CROT: variants seen among roughly 807,000 people sequenced by gnomAD.
CROT encodes the protein carnitine O-octanoyltransferase.
Under a neutral mutation model 89.2 loss-of-function variants are expected in CROT, and 84 were observed. The ratio of observed to expected loss-of-function variants is 0.94; its 90% confidence interval spans 0.79 to 1.13. CROT has a LOEUF of 1.13. CROT is among the 50% of genes most tolerant of loss of function. CROT has a pLI of 0.00. For synonymous variants in CROT, 212 were observed against 239.5 expected, an observed-to-expected ratio of 0.89 and a Z score of 1.06; for missense variants, 711 against 727.8, an observed-to-expected ratio of 0.98 and a Z score of 0.27.
intron 17 of CROT, among the ~76,000 whole-genome samples, chr7:87,393,312 A>G (rs1226447320): frequency 6.6e-6 from 1 of 152,120 alleles, no homozygotes; most frequent in Non-Finnish European, 1.5e-5. Flanking sequence ...CGATTCGGCA[A>G]TCATATCATC....
At chr7:87,375,163 A>AT (rs547576074) in intron 7 of CROT, 36 of 153,012 alleles carry the variant, frequency 2.4e-4, no homozygotes, top group South Asian at 4.1e-4. Context: ...TGGTATTTCT[A>AT]TTTTTTTTTG....
intron 7 of CROT, among the ~76,000 whole-genome samples, chr7:87,371,585 T>A (rs976605418): frequency 2.6e-5 from 4 of 152,204 alleles, no homozygotes; most frequent in Non-Finnish European, 4.4e-5. Flanking sequence ...CATTTAAAAT[T>A]TTTGACTGAG....
intron 14 of CROT, 147 bp from the exon 15 acceptor site, chr7:87,392,419 A>G: frequency 3.1e-6 from 2 of 650,770 alleles, no homozygotes; most frequent in Non-Finnish European, 5.4e-6. Flanking sequence ...TAACTGATGG[A>G]AAGATATAGG....
At chr7:87,380,422 T>A (rs758524957) in intron 10 of CROT, among the ~76,000 whole-genome samples, 1 of 21,158 alleles carries the variant, frequency 4.7e-5, no homozygotes, top group Admixed American at 9.1e-4. Context: ...GGTATAAAAA[T>A]CATTTTTCAC....
In CROT at chr7:87,361,503, A is replaced by T; in HGVS notation, c.354A>T (p.Glu118Asp). 1.9e-6 allele frequency: 3 copies of T among 1,612,856 alleles called. No homozygotes were observed. The South Asian group carries it at 3.3e-5, about 18-fold the overall frequency. ...AHFEHYWPPK[E>D]GTQLERGSIT... ...TTGAACACTACTGGCCTCCAAAGGA[A>T]GGGACTCAATTAGAAAGAGGAAGTA... Residue 118 changes from glutamate (E) to aspartate (D), a missense_variant, in exon 5 of 18, where the codon GAA becomes GAT. Coordinates refer to ENST00000331536, the MANE Select transcript of CROT (RefSeq NM_021151.4).
At chr7:87,359,794 T>C in intron 4 of CROT, 1 of 984,038 alleles carries the variant, frequency 1.0e-6, no homozygotes, top group South Asian at 4.7e-5. Flanking sequence ...ATATTTCAGT[T>C]AGATAAATTG....
chr7:87,390,822 C>T (rs937188602), intron 13 of CROT, among the ~76,000 whole-genome samples: 3 of 152,186 alleles, frequency 2.0e-5, no homozygotes, highest in African/African-American at 4.8e-5. Flanking sequence ...TACCCCAAAA[C>T]GTAGTGGCTT....
At position 87,361,841 on chromosome 7, in the gene CROT, AT is replaced by A; in HGVS notation, c.540del (p.Phe180LeufsTer14). 1 of 1,585,192 alleles carries A rather than the reference AT, an allele frequency of 6.3e-7. No homozygotes were observed. Among genetic ancestry groups the A allele is most frequent in the South Asian group, 1.2e-5 (1 of 85,076 alleles). On this transcript the variant is annotated frameshift_variant, in exon 6 of 18. Coordinates refer to ENST00000331536, the MANE Select transcript of CROT (RefSeq NM_021151.4). LOFTEE classifies it high-confidence loss of function. ...PGITRDSIMN[Y>X]FRTESEGRSP... ...ATTACTAGAGACTCCATTATGAATT[AT>A]TTTAGGACTGGTAAGTAAAAATGCA...
chr7:87,358,673 A>C (rs1203221335), intron 3 of CROT, among the ~76,000 whole-genome samples: 1 of 152,164 alleles, frequency 6.6e-6, no homozygotes, highest in Non-Finnish European at 1.5e-5. Flanking sequence ...AGATCATCAT[A>C]AAAATCTTCA....
At position 87,346,410 on chromosome 7, in the gene CROT, G is replaced by C. The variant is rs977427984; in HGVS notation, c.-42G>C. The C allele has an allele frequency of 6.6e-6, 1 of 152,194 alleles. No individual in the cohort carries two copies. The highest frequency in any genetic ancestry group is 1.5e-5 in the Non-Finnish European group (1 of 68,036). The allele number at this position is 152,194 out of a possible 1,614,324, so 9.4% of individuals were successfully genotyped here. A position where few individuals can be genotyped will look rare whatever the true frequency, so the allele number is the denominator to read the frequency against. On this transcript the variant is annotated 5_prime_UTR_variant, in exon 2 of 18. Transcript: ENST00000331536. ...AGCAGGCTCCTGGCAGTCTCAAGCA[G>C]TTCATCTTCTTGGTGTACTGGTATG...
At position 87,382,476 on chromosome 7, in the gene CROT, A is replaced by G. The variant is rs1807043647; in HGVS notation, c.1234A>G (p.Lys412Glu). 6.2e-7 allele frequency: 1 copy of G among 1,613,858 alleles called. No individual in the cohort carries two copies. The change falls in exon 13 of 18, where the codon AAG (lysine) becomes GAG (glutamate). Residue 412 changes from lysine to glutamate, a missense_variant. Lys to Glu is a moderately conservative substitution (Grantham distance 56). Transcript: ENST00000331536. Reference sequence around the variant, plus strand: ...TTTTGGCAAAAAGCTAACCAAGAACAAGATGCTTCACCCGGATACGTTTAT... The same window carrying G: ...TTTTGGCAAAAAGCTAACCAAGAACGAGATGCTTCACCCGGATACGTTTAT... ...TSFGKKLTKN[K>E]MLHPDTFIQL...
chr7:87,371,749 G>C (rs1323639782), intron 7 of CROT, among the ~76,000 whole-genome samples: 1 of 152,054 alleles, frequency 6.6e-6, no homozygotes, highest in African/African-American at 2.4e-5. Flanking sequence ...GCAACATTTT[G>C]GGAGGCTGAG....
chr7:87,395,701 T>C (rs79916620), intron 17 of CROT, among the ~76,000 whole-genome samples: 1 of 152,318 alleles, frequency 6.6e-6, no homozygotes, highest in African/African-American at 2.4e-5. Context: ...AGGAAGTACC[T>C]AGCCTTTTAA....
chr7:87,352,250 T>G (rs1213325341), intron 3 of CROT, among the ~76,000 whole-genome samples: 1 of 152,236 alleles, frequency 6.6e-6, no homozygotes, highest in East Asian at 1.9e-4. Context: ...CCCTTTTTTT[T>G]GTTAAGGTAT....
At chr7:87,377,954 T>C (rs193289501) in intron 10 of CROT, among the ~76,000 whole-genome samples, 31 of 152,290 alleles carry the variant, frequency 2.0e-4, no homozygotes, top group South Asian at 2.1e-4. Context: ...CTTTTCTTGC[T>C]TCTCCTCTGT....
chr7:87,359,124 A>C, intron 3 of CROT, 82 bp from the exon 4 acceptor site: 1 of 937,890 alleles, frequency 1.1e-6, no homozygotes, highest in Non-Finnish European at 1.7e-6. Flanking sequence ...TCTGAGTCTT[A>C]AGATTTGCAT....
In CROT at chr7:87,354,389, G is replaced by A. The variant is rs868564966; in HGVS notation, c.116-4817G>A. 1.7e-5 allele frequency: 9 copies of A among 518,752 alleles called. No individual in the cohort carries two copies. The Middle Eastern group carries it at 2.9e-3, about 165-fold the overall frequency. 32.1% of individuals were successfully genotyped at this position (518,752 alleles called of 1,614,324 possible). On this transcript the variant is annotated intron_variant, in intron 3 of 17. Transcript: ENST00000331536. ...GGACATCAAACCTGATGAAAAAAGT[G>A]CTTGGATTTAACTGGACCTAGGAAG...
intron 6 of CROT, among the ~76,000 whole-genome samples, chr7:87,368,595 T>C (rs1270729521): frequency 6.6e-6 from 1 of 152,236 alleles, no homozygotes; most frequent in Non-Finnish European, 1.5e-5. Context: ...AGATAATGTA[T>C]GTAAAGCACT....
intron 13 of CROT, among the ~76,000 whole-genome samples, chr7:87,387,884 A>G (rs1807230650): frequency 6.6e-6 from 1 of 152,206 alleles, no homozygotes; most frequent in African/African-American, 2.4e-5. Flanking sequence ...CCCAGGAGGT[A>G]GAGGTTGCAG....
Sources: gnomAD v4.1 joint callset for allele counts (sites outside exome capture counted in the v4.1 genomes callset) on GRCh38, gnomAD v4.1.1 for gene constraint, MANE v1.5 for transcripts, NCBI Gene and HGNC (gene_info 2026-07-23, HGNC 2026-07-21) for gene names.